Variants in ZNF804B observed in about 807,000 individuals in gnomAD.
The protein encoded by ZNF804B is zinc finger protein 804B.
ZNF804B carries 80 observed loss-of-function variants against 101.4 expected under a neutral mutation model. The observed-to-expected ratio is 0.79, with a 90% confidence interval of 0.66 to 0.95. The LOEUF (loss-of-function observed/expected upper bound fraction) is 0.95. Among genes scored for constraint, ZNF804B ranks in the 40% least tolerant of loss-of-function variants. The probability of loss-of-function intolerance (pLI) is 0.00; values close to 1 mark genes in which losing one functional copy is unlikely to be tolerated. For synonymous variants in ZNF804B, 622 were observed against 558.8 expected, an observed-to-expected ratio of 1.11 and a Z score of -1.59; for missense variants, 1,673 against 1,561.9, an observed-to-expected ratio of 1.07 and a Z score of -1.20.
At position 89,223,939 on chromosome 7, in the gene ZNF804B, TTAGA is replaced by T. The variant is rs1176740521; in HGVS notation, c.249+5647_249+5650del. 1.2e-4 allele frequency among the ~76,000 whole-genome samples: 18 copies of T among 151,962 alleles called. 1 individual carries two copies. Among genetic ancestry groups the T allele is most frequent in the African/African-American group, 7.2e-5 (3 of 41,432 alleles). On this transcript the variant is annotated intron_variant, in intron 2 of 3. Coordinates refer to ENST00000333190, the MANE Select transcript of ZNF804B (RefSeq NM_181646.5). ...GAATGTGTATACAAATTATAATCAC[TTAGA>T]TAAAGACAGAACTGTAACTATTAAT... is the stretch of plus-strand genomic sequence containing the variant.
At chr7:89,201,715 G>A (rs1305336385) in intron 1 of ZNF804B, among the ~76,000 whole-genome samples, 1 of 151,902 alleles carries the variant, frequency 6.6e-6, no homozygotes, top group Admixed American at 6.6e-5. Context: ...TTAATACATG[G>A]AGTAAAATCT....
intron 1 of ZNF804B, among the ~76,000 whole-genome samples, chr7:89,072,489 G>A (rs1257058675): frequency 6.6e-6 from 1 of 152,156 alleles, no homozygotes; most frequent in East Asian, 1.9e-4. Flanking sequence ...ATCTGATATA[G>A]TATGAACTTG....
chr7:88,848,708 T>A (rs1310096652), intron 1 of ZNF804B, among the ~76,000 whole-genome samples: 3 of 95,582 alleles, frequency 3.1e-5, no homozygotes, highest in Non-Finnish European at 5.2e-5. Context: ...GCATATAGAT[T>A]GGTAAAAAAA....
intron 2 of ZNF804B, among the ~76,000 whole-genome samples, chr7:89,318,184 T>C (rs556952924): frequency 6.6e-6 from 1 of 152,294 alleles, no homozygotes; most frequent in East Asian, 1.9e-4. Context: ...CATCATTCGG[T>C]GAACCTACAT....
At chr7:89,021,909 C>G (rs767217852) in intron 1 of ZNF804B, among the ~76,000 whole-genome samples, 11 of 152,150 alleles carry the variant, frequency 7.2e-5, no homozygotes, top group Non-Finnish European at 1.3e-4. Context: ...ACACCTTGTT[C>G]TCCTAATCAG....
At chr7:88,763,773 AGAT>A in intron 1 of ZNF804B, among the ~76,000 whole-genome samples, 1 of 152,188 alleles carries the variant, frequency 6.6e-6, no homozygotes, top group East Asian at 1.9e-4. Flanking sequence ...ATAGATAGAT[AGAT>A]AGATAGATAC....
chr7:88,913,225 G>A (rs1792575859), intron 1 of ZNF804B, among the ~76,000 whole-genome samples: 1 of 152,078 alleles, frequency 6.6e-6, no homozygotes, highest in Admixed American at 6.6e-5. Context: ...AATGTAATGT[G>A]CTAATTAAAT....
At chr7:89,143,990 C>T (rs899370111) in intron 1 of ZNF804B, among the ~76,000 whole-genome samples, 4 of 151,922 alleles carry the variant, frequency 2.6e-5, no homozygotes. Flanking sequence ...TTAGCTACAT[C>T]TTATTACACC....
At chr7:89,234,279 T>C (rs1401905372) in intron 2 of ZNF804B, among the ~76,000 whole-genome samples, 1 of 151,886 alleles carries the variant, frequency 6.6e-6, no homozygotes, top group East Asian at 1.9e-4. Context: ...TTTTTTTTTA[T>C]TGTGGTCAAC....
intron 1 of ZNF804B, among the ~76,000 whole-genome samples, chr7:89,176,591 C>CTTTT (rs35866405): frequency 5.2e-3 from 374 of 71,872 alleles, no homozygotes; most frequent in Middle Eastern, 0.013. Flanking sequence ...TTCTTTCTTT[C>CTTTT]TTTTTTTTTT....
intron 1 of ZNF804B, among the ~76,000 whole-genome samples, chr7:89,003,838 C>T (rs1438961592): frequency 1.3e-5 from 2 of 151,828 alleles, no homozygotes; most frequent in African/African-American, 4.8e-5. Context: ...CAGGTGAAAA[C>T]CCATGCCTTT....
chr7:88,954,555 GC>G lies in ZNF804B; in HGVS notation c.108+194481del, dbSNP rs10646255. ...ATAAGAGAAACTCTTTCTAAAACAT[GC>G]CCCCCCCCCACCACGGGTGGCATGA... On this transcript the variant is annotated intron_variant, in intron 1 of 3. Coordinates refer to ENST00000333190, the MANE Select transcript of ZNF804B (RefSeq NM_181646.5). Among the ~76,000 whole-genome samples, 471 of 148,672 alleles carry G rather than the reference GC, an allele frequency of 3.2e-3. 5 individuals are homozygous for G. Among genetic ancestry groups the G allele is most frequent in the African/African-American group, 0.011 (441 of 40,520 alleles).
At chr7:88,760,856 G>A (rs1789883883) in intron 1 of ZNF804B, among the ~76,000 whole-genome samples, 1 of 147,456 alleles carries the variant, frequency 6.8e-6, no homozygotes, top group Non-Finnish European at 1.5e-5. Flanking sequence ...TCAAGAAAAT[G>A]TGTGTGAATG....
chr7:89,075,938 T>C (rs936523461), intron 1 of ZNF804B, among the ~76,000 whole-genome samples: 1 of 152,220 alleles, frequency 6.6e-6, no homozygotes, highest in Non-Finnish European at 1.5e-5. Context: ...AAGATTTGCA[T>C]GGGGCCTGTA....
intron 1 of ZNF804B, among the ~76,000 whole-genome samples, chr7:89,024,803 T>C (rs1453913104): frequency 6.6e-6 from 1 of 151,890 alleles, no homozygotes; most frequent in Non-Finnish European, 1.5e-5. Flanking sequence ...TTATACAAAA[T>C]GATATTGAAG....
chr7:89,201,960 C>A (rs1027702679), intron 1 of ZNF804B, among the ~76,000 whole-genome samples: 6 of 152,052 alleles, frequency 3.9e-5, no homozygotes, highest in African/African-American at 1.4e-4. Context: ...TCTCTAAATA[C>A]ACACAGTACT....
chr7:88,809,234 T>C (rs1790739241), intron 1 of ZNF804B, among the ~76,000 whole-genome samples: 1 of 152,178 alleles, frequency 6.6e-6, no homozygotes, highest in Non-Finnish European at 1.5e-5. Flanking sequence ...AATAGAAATC[T>C]TACCAAGTTT....
At chr7:89,185,978 G>A (rs1242790045) in intron 1 of ZNF804B, among the ~76,000 whole-genome samples, 3 of 151,918 alleles carry the variant, frequency 2.0e-5, no homozygotes, top group Admixed American at 2.0e-4. Flanking sequence ...AGAATAATAC[G>A]TTCTTATATT....
intron 1 of ZNF804B, among the ~76,000 whole-genome samples, chr7:89,170,389 C>G (rs1392031669): frequency 6.6e-6 from 1 of 152,160 alleles, no homozygotes; most frequent in Non-Finnish European, 1.5e-5. Flanking sequence ...CAATAGTAAA[C>G]ACAAATGACA....
Sources: gnomAD v4.1 joint callset for allele counts (sites outside exome capture counted in the v4.1 genomes callset) on GRCh38, gnomAD v4.1.1 for gene constraint, MANE v1.5 for transcripts, NCBI Gene and HGNC (gene_info 2026-07-23, HGNC 2026-07-21) for gene names.